Variants in VPS13B observed in about 807,000 individuals in gnomAD.
VPS13B encodes vacuolar protein sorting 13 homolog B.
In VPS13B, 285 loss-of-function variants were observed where a neutral mutation model predicts 426.4. The observed-to-expected ratio is 0.67, with a 90% CI of 0.61 to 0.74. The LOEUF is 0.74. Among genes scored for constraint, VPS13B ranks in the 30% least tolerant of loss-of-function variants. The pLI is 0.00. For missense variants in VPS13B, 4,537 were observed against 4,782.6 expected (o/e 0.95, Z 1.51); for synonymous variants, 1,676 against 1,676.4 (o/e 1.00, Z 0.01).
chr8:99,020,700 T>TTG (rs1451715545), intron 2 of VPS13B, among the ~76,000 whole-genome samples: 2 of 152,260 alleles, frequency 1.3e-5, no homozygotes, highest in African/African-American at 4.8e-5. Context: ...TTGACATCTG[T>TTG]ACTTTCACAT....
intron 14 of VPS13B, among the ~76,000 whole-genome samples, chr8:99,150,136 T>C (rs1177221566): frequency 1.3e-5 from 2 of 152,202 alleles, no homozygotes; most frequent in Admixed American, 1.3e-4. Context: ...TGTATTACGA[T>C]TAAGAGATCA....
At chr8:99,837,926 T>A (rs1194003072) in intron 54 of VPS13B, among the ~76,000 whole-genome samples, 1 of 152,250 alleles carries the variant, frequency 6.6e-6, no homozygotes, top group African/African-American at 2.4e-5. Flanking sequence ...ATGCCCATTA[T>A]GCTGCAAGGA....
chr8:99,549,742 T>C (rs1382538740), intron 30 of VPS13B, among the ~76,000 whole-genome samples: 3 of 152,084 alleles, frequency 2.0e-5, no homozygotes, highest in Non-Finnish European at 4.4e-5. Flanking sequence ...CCTTATACCA[T>C]TGCTTTCTCC....
At position 99,832,360 on chromosome 8, in the gene VPS13B, T is replaced by TTTTTTTTTG; in HGVS notation, c.9331-3_9331-2insTTGTTTTTT. On this transcript the variant is annotated splice_polypyrimidine_tract_variant and intron_variant, in intron 51 of 61. Transcript: ENST00000357162. ...CTCTGCATTTTTTTTTTTTTTTTTT[T>TTTTTTTTTG]TTTTTTAGTATTTTCGTGTTCCAGA... The TTTTTTTTTG allele has an allele frequency of 1.4e-6, 2 of 1,476,816 alleles. No individual in the cohort carries two copies. The highest frequency in any genetic ancestry group is 8.9e-7 in the Non-Finnish European group (1 of 1,121,312). The allele number at this position is 1,476,816 out of a possible 1,614,324, so 91.5% of individuals were successfully genotyped here. A position where few individuals can be genotyped will look rare whatever the true frequency, so the allele number is the denominator to read the frequency against.
chr8:99,863,776 AG>A (rs930719357), intron 58 of VPS13B, among the ~76,000 whole-genome samples: 1 of 152,076 alleles, frequency 6.6e-6, no homozygotes, highest in Admixed American at 6.5e-5. Flanking sequence ...TATCCATGTG[AG>A]GGAATTCATT....
intron 35 of VPS13B, among the ~76,000 whole-genome samples, chr8:99,695,431 A>G (rs1387411992): frequency 4.0e-5 from 6 of 150,842 alleles, no homozygotes; most frequent in Non-Finnish European, 8.9e-5. Flanking sequence ...CATCATTCTC[A>G]GTAAACTATC....
intron 3 of VPS13B, among the ~76,000 whole-genome samples, chr8:99,081,649 C>G (rs1320318072): frequency 3.8e-5 from 5 of 132,344 alleles, no homozygotes; most frequent in Non-Finnish European, 7.9e-5. Context: ...GTGTGATGTT[C>G]CGCGTCGTAT....
chr8:99,260,534 C>T (rs1250152661), intron 17 of VPS13B, among the ~76,000 whole-genome samples: 1 of 151,968 alleles, frequency 6.6e-6, no homozygotes, highest in Non-Finnish European at 1.5e-5. Context: ...ATGAAGATGT[C>T]AAGGATAGAG....
At position 99,699,508 on chromosome 8, in the gene VPS13B, C is replaced by T; in HGVS notation, c.6047-17C>T. 1.2e-6 allele frequency: 2 copies of T among 1,611,992 alleles called. No individual in the cohort carries two copies. The highest frequency in any genetic ancestry group is 1.1e-5 in the South Asian group (1 of 90,714). ...AAGAAAGCTTCAATAATTGTTTTCTCTTTTTTACTTCTATAGCGGATGTCA... is the reference window on the plus strand; with the variant it reads ...AAGAAAGCTTCAATAATTGTTTTCTTTTTTTTACTTCTATAGCGGATGTCA... On this transcript the variant is annotated splice_polypyrimidine_tract_variant and intron_variant, in intron 35 of 61. Coordinates refer to ENST00000357162, the MANE Select transcript of VPS13B (RefSeq NM_152564.5).
chr8:99,202,209 A>G (rs1421486782), intron 17 of VPS13B, among the ~76,000 whole-genome samples: 1 of 152,218 alleles, frequency 6.6e-6, no homozygotes, highest in Non-Finnish European at 1.5e-5. Context: ...CAAGAAAGAA[A>G]ATAGGATAAT....
chr8:99,329,138 T>C (rs3103731), intron 19 of VPS13B, among the ~76,000 whole-genome samples: 112,631 of 151,962 alleles, frequency 0.74, 42,408 homozygotes, highest in South Asian at 0.87. Flanking sequence ...TCTTTCTGGA[T>C]TATAGACTTC....
chr8:99,169,962 T>G, intron 15 of VPS13B, 77 bp from the exon 16 acceptor site: 1 of 1,562,854 alleles, frequency 6.4e-7, no homozygotes, highest in Non-Finnish European at 8.8e-7. Flanking sequence ...TAAAGCAAGT[T>G]GAAACTGACG....
At chr8:99,745,872 A>T (rs973305832) in intron 39 of VPS13B, among the ~76,000 whole-genome samples, 1 of 152,062 alleles carries the variant, frequency 6.6e-6, no homozygotes, top group African/African-American at 2.4e-5. Flanking sequence ...GCCAACAAAA[A>T]ATTAACAATA....
At chr8:99,701,355 C>A (rs894803896) in intron 36 of VPS13B, among the ~76,000 whole-genome samples, 2 of 152,138 alleles carry the variant, frequency 1.3e-5, no homozygotes, top group African/African-American at 4.8e-5. Flanking sequence ...GGTTAAGACT[C>A]AAACAAAATG....
At chr8:99,436,535 C>T (rs1172740413) in intron 22 of VPS13B, among the ~76,000 whole-genome samples, 2 of 151,992 alleles carry the variant, frequency 1.3e-5, no homozygotes, top group Non-Finnish European at 2.9e-5. Context: ...CATTGCAGTA[C>T]CAAATAATAC....
At chr8:99,518,059 C>G (rs768449572) in intron 29 of VPS13B, among the ~76,000 whole-genome samples, 2 of 151,834 alleles carry the variant, frequency 1.3e-5, no homozygotes, top group Non-Finnish European at 2.9e-5. Context: ...TCAGTATAAT[C>G]TACTGAGAAC....
chr8:99,416,427 G>A (rs1039177167), intron 21 of VPS13B, among the ~76,000 whole-genome samples: 1 of 152,034 alleles, frequency 6.6e-6, no homozygotes, highest in Non-Finnish European at 1.5e-5. Flanking sequence ...GGGAGCAAAT[G>A]GTCTGTCTCG....
At chr8:99,190,469 A>G (rs372704937) in intron 16 of VPS13B, among the ~76,000 whole-genome samples, 9 of 151,284 alleles carry the variant, frequency 5.9e-5, no homozygotes, top group African/African-American at 2.2e-4. Flanking sequence ...TGTCCCATCT[A>G]TTGTTTGTTT....
intron 30 of VPS13B, among the ~76,000 whole-genome samples, chr8:99,547,673 A>G (rs561309903): frequency 6.6e-6 from 1 of 152,102 alleles, no homozygotes. Context: ...TTGGTTCCTT[A>G]TGATTACATT....
Sources: allele counts gnomAD v4.1 joint callset (sites outside exome capture counted in the v4.1 genomes callset), GRCh38; gene constraint gnomAD v4.1.1; transcripts MANE v1.5; gene names NCBI Gene and HGNC (gene_info 2026-07-23, HGNC 2026-07-21).